The following CLCA2 variants were observed in gnomAD, a reference collection of about 807,000 sequenced individuals.
CLCA2 encodes the protein calcium-activated chloride channel regulator 2.
A neutral mutation model predicts 82.9 loss-of-function variants in CLCA2; 85 were observed. The ratio of observed to expected loss-of-function variants is 1.03; its 90% CI spans 0.86 to 1.23. CLCA2 has a LOEUF of 1.23. CLCA2 is among the 50% of genes most tolerant of loss of function. The probability of loss-of-function intolerance (pLI) is 0.00; values close to 1 mark genes in which losing one functional copy is unlikely to be tolerated. For synonymous variants in CLCA2, 421 were observed against 391.7 expected, an observed-to-expected ratio of 1.07 and a Z score of -0.88; for missense variants, 1,089 against 1,124.8, an observed-to-expected ratio of 0.97 and a Z score of 0.45.
At position 86,438,438 on chromosome 1, in the gene CLCA2, A is replaced by G. The variant is rs538385456; in HGVS notation, c.973-438A>G. 2.0e-5 allele frequency among the ~76,000 whole-genome samples: 3 copies of G among 152,354 alleles called. No individual in the cohort carries two copies. In the South Asian group the frequency reaches 6.2e-4, roughly 32 times the overall value. On this transcript the variant is annotated intron_variant, in intron 6 of 13. Coordinates refer to ENST00000370565, the MANE Select transcript of CLCA2 (RefSeq NM_006536.7). Reference sequence around the variant, plus strand: ...CCCAGCCTAAGGTGACCACAATAGCAGAGGGTAGTGCCGGGGCAGATCATG... The same window carrying G: ...CCCAGCCTAAGGTGACCACAATAGCGGAGGGTAGTGCCGGGGCAGATCATG...
intron 3 of CLCA2, among the ~76,000 whole-genome samples, chr1:86,429,547 G>A (rs760725618): frequency 6.6e-6 from 1 of 152,160 alleles, no homozygotes; most frequent in South Asian, 2.1e-4. Flanking sequence ...TCAGCCTGTG[G>A]TTAGATATTG....
intron 10 of CLCA2, among the ~76,000 whole-genome samples, chr1:86,445,892 G>A (rs1246280220): frequency 6.6e-6 from 1 of 152,038 alleles, no homozygotes; most frequent in East Asian, 1.9e-4. Context: ...TGTGTGCCTG[G>A]CTCATCACAC....
intron 6 of CLCA2, among the ~76,000 whole-genome samples, chr1:86,437,862 C>T (rs1232544527): frequency 6.6e-6 from 1 of 151,754 alleles, no homozygotes; most frequent in African/African-American, 2.4e-5. Context: ...TGAGTGCTTA[C>T]TCAGTATCCA....
chr1:86,455,631 C>T lies in CLCA2; in HGVS notation c.*104C>T, dbSNP rs1260237992. 1.4e-6 allele frequency: 1 copy of T among 720,196 alleles called. No individual in the cohort carries two copies. Among genetic ancestry groups the T allele is most frequent in the Non-Finnish European group, 2.0e-6 (1 of 492,278 alleles). The allele number at this position is 720,196 out of a possible 1,614,324, so 44.6% of individuals were successfully genotyped here. A position where few individuals can be genotyped will look rare whatever the true frequency, so the allele number is the denominator to read the frequency against. On this transcript the variant is annotated 3_prime_UTR_variant, in exon 14 of 14. Transcript: ENST00000370565. Reference sequence around the variant, plus strand: ...TTAACATCAAAACTGTATTAAAATGCATTGAGTTTTTGTACAATACAGATA... The same window carrying T: ...TTAACATCAAAACTGTATTAAAATGTATTGAGTTTTTGTACAATACAGATA...
At chr1:86,453,324 C>CT in intron 12 of CLCA2, 45 bp from the exon 13 acceptor site, 1 of 1,473,976 alleles carries the variant, frequency 6.8e-7, no homozygotes, top group South Asian at 1.2e-5. Flanking sequence ...TATTCAGAAG[C>CT]TTTGTAATTT....
At chr1:86,434,262 G>A (rs1002918090) in intron 5 of CLCA2, among the ~76,000 whole-genome samples, 1 of 152,022 alleles carries the variant, frequency 6.6e-6, no homozygotes, top group Non-Finnish European at 1.5e-5. Context: ...CACATACATG[G>A]TTTGTTATCT....
Position 86,430,954 on chromosome 1 carries a change from C to A in CLCA2, c.568C>A (p.Gln190Lys). Residue 190 changes from glutamine (Q) to lysine (K), a missense_variant, in exon 4 of 14, where the codon CAA (glutamine) becomes AAA (lysine). Gln to Lys is a moderately conservative substitution (Grantham distance 53). Transcript: ENST00000370565. ...DKPFYINGQN[Q>K]IKVTRCSSDI... ...ACCTTTCTACATAAATGGGCAAAAT[C>A]AAATTAAAGTGACAAGGTTAGTACT... 1.9e-6 allele frequency: 3 copies of A among 1,609,522 alleles called. No individual in the cohort carries two copies. The South Asian group carries it at 3.3e-5, about 18-fold the overall frequency.
At chr1:86,443,656 G>T in intron 9 of CLCA2, 131 bp from the exon 10 acceptor site, 1 of 657,922 alleles carries the variant, frequency 1.5e-6, no homozygotes, top group Non-Finnish European at 2.5e-6. Context: ...GAAAAATGAT[G>T]TATAACTACA....
chr1:86,441,592 GA>G, intron 9 of CLCA2, 49 bp downstream of exon 9: 1 of 1,265,620 alleles, frequency 7.9e-7, no homozygotes, highest in East Asian at 2.3e-5. Context: ...TGGGAAGGGA[GA>G]AGGAAACAAG....
intron 2 of CLCA2, among the ~76,000 whole-genome samples, chr1:86,426,972 G>A (rs1414378825): frequency 1.3e-5 from 2 of 152,112 alleles, no homozygotes; most frequent in Admixed American, 6.6e-5. Flanking sequence ...GGAAACAATC[G>A]TCCCTGGATG....
intron 8 of CLCA2, among the ~76,000 whole-genome samples, 185 bp downstream of exon 8, chr1:86,440,510 G>A (rs935219633): frequency 6.6e-6 from 1 of 151,894 alleles, no homozygotes; most frequent in African/African-American, 2.4e-5. Flanking sequence ...TTCCCTAAAG[G>A]TTCCAACTAT....
chr1:86,430,767 G>A, intron 3 of CLCA2, 95 bp from the exon 4 acceptor site: 1 of 898,408 alleles, frequency 1.1e-6, no homozygotes, highest in Non-Finnish European at 1.9e-6. Flanking sequence ...ATTCCAAAGA[G>A]TATGTGTGGT....
In CLCA2 at chr1:86,453,603, G is replaced by A. The variant is rs768220234; in HGVS notation, c.2389+1G>A. The A allele has an allele frequency of 2.5e-6, 4 of 1,612,522 alleles. No individual in the cohort carries two copies. The highest frequency in any genetic ancestry group is 3.4e-6 in the Non-Finnish European group (4 of 1,179,186). ...GGAGAAGACTTTGATCAGGGCCAGG[G>A]TAGGTTTGCTCATTTCATTACCTAT... On this transcript the variant is annotated splice_donor_variant, in intron 13 of 13. Coordinates refer to ENST00000370565, the MANE Select transcript of CLCA2 (RefSeq NM_006536.7). LOFTEE classifies it high-confidence loss of function.
chr1:86,440,097 A>G (rs764044313), intron 7 of CLCA2, 51 bp from the exon 8 acceptor site: 1 of 1,574,090 alleles, frequency 6.4e-7, no homozygotes, highest in Admixed American at 1.7e-5. Context: ...TTTGCTCAAT[A>G]AAACAATTTG....
intron 7 of CLCA2, 91 bp from the exon 8 acceptor site, chr1:86,440,057 A>T (rs1558110664): frequency 7.8e-7 from 1 of 1,277,702 alleles, no homozygotes; most frequent in Non-Finnish European, 1.1e-6. Flanking sequence ...TGTAGGAGCT[A>T]CAGTGGGAAT....
rs1389264374 is a variant in CLCA2 at position 86,455,367 on chromosome 1, A to G, written c.2672A>G (p.Asn891Ser). 1.9e-6 allele frequency: 3 copies of G among 1,612,162 alleles called. No homozygotes were observed. Among genetic ancestry groups the G allele is most frequent in the East Asian group, 2.2e-5 (1 of 44,826 alleles). Residue 891 changes from asparagine to serine, a missense_variant, in exon 14 of 14, where the codon AAT becomes AGT. Transcript: ENST00000370565. Reference protein sequence around the residue: ...IAQAPLFIPPNSDPVPARDYL... With the variant: ...IAQAPLFIPPSSDPVPARDYL... ...CAGGCGCCTCTGTTTATTCCCCCCA[A>G]TTCTGATCCTGTACCTGCCAGAGAT...
Position 86,430,890 on chromosome 1 carries a change from C to T in CLCA2, c.504C>T (p.His168=). 6.2e-7 allele frequency: 1 copy of T among 1,613,624 alleles called. No homozygotes were observed. The highest frequency in any genetic ancestry group is 8.5e-7 in the Non-Finnish European group (1 of 1,179,802). Residue 168 remains histidine (H), a synonymous_variant, in exon 4 of 14, where the codon CAC becomes CAT. Coordinates refer to ENST00000370565, the MANE Select transcript of CLCA2 (RefSeq NM_006536.7). ...GAGTGTTTGTCCATGAATGGGCCCACCTCCGTTGGGGTGTGTTCGATGAGT... is the reference window on the plus strand; with the variant it reads ...GAGTGTTTGTCCATGAATGGGCCCATCTCCGTTGGGGTGTGTTCGATGAGT... The part of the protein sequence containing the change: ...RGRVFVHEWA[H]LRWGVFDEYN...
intron 2 of CLCA2, 134 bp downstream of exon 2, chr1:86,425,610 G>A (rs1662373102): frequency 3.3e-6 from 2 of 613,898 alleles, no homozygotes; most frequent in Admixed American, 4.6e-5. Context: ...ATATTAATGG[G>A]CAGAATGTTA....
chr1:86,439,171 G>T (rs1662675118), intron 7 of CLCA2, 65 bp downstream of exon 7: 6 of 1,475,830 alleles, frequency 4.1e-6, no homozygotes, highest in Non-Finnish European at 3.8e-6. Flanking sequence ...AGTATACGAG[G>T]TTTCCTCTGA....
Sources: gnomAD v4.1 joint callset for allele counts (sites outside exome capture counted in the v4.1 genomes callset) on GRCh38, gnomAD v4.1.1 for gene constraint, MANE v1.5 for transcripts, NCBI Gene and HGNC (gene_info 2026-07-23, HGNC 2026-07-21) for gene names.